The following PDE11A variants were observed in gnomAD, a reference collection of about 807,000 sequenced individuals.
PDE11A encodes dual 3',5'-cyclic-AMP and -GMP phosphodiesterase 11A.
A neutral mutation model predicts 100.5 loss-of-function variants in PDE11A; 100 were observed. The observed-to-expected ratio is 1.00, with a 90% confidence interval of 0.85 to 1.18. PDE11A has a LOEUF of 1.18. Among genes scored for constraint, PDE11A ranks in the 50% most tolerant of loss-of-function variants. The pLI is 0.00. For synonymous variants in PDE11A, 381 were observed against 420.8 expected (o/e 0.91, Z 1.16); for missense variants, 1,141 against 1,152.6 (o/e 0.99, Z 0.15).
chr2:177,695,462 G>A (rs924163877), intron 15 of PDE11A, among the ~76,000 whole-genome samples: 4 of 152,178 alleles, frequency 2.6e-5, no homozygotes, highest in Non-Finnish European at 5.9e-5. Context: ...AAATTTAAAT[G>A]TAACTGGACT....
chr2:178,024,174 G>C (rs1485305151), intron 1 of PDE11A, among the ~76,000 whole-genome samples: 3 of 152,174 alleles, frequency 2.0e-5, no homozygotes, highest in African/African-American at 7.2e-5. Flanking sequence ...CACTTTGGGA[G>C]GCTGAGGTGG....
intron 9 of PDE11A, among the ~76,000 whole-genome samples, chr2:177,781,994 G>A (rs1299909716): frequency 1.3e-5 from 2 of 152,168 alleles, no homozygotes; most frequent in African/African-American, 4.8e-5. Flanking sequence ...AGATTAAAAT[G>A]TTAATTTTAG....
At chr2:177,943,212 C>A (rs1459634906) in intron 2 of PDE11A, among the ~76,000 whole-genome samples, 1 of 152,194 alleles carries the variant, frequency 6.6e-6, no homozygotes, top group East Asian at 1.9e-4. Context: ...CAAGACCCTG[C>A]ATTTAATTCT....
intron 2 of PDE11A, among the ~76,000 whole-genome samples, chr2:178,086,775 A>T (rs1300589633): frequency 6.6e-6 from 1 of 152,146 alleles, no homozygotes; most frequent in Non-Finnish European, 1.5e-5. Flanking sequence ...TCTGGCCAGA[A>T]CCCCACATAA....
chr2:178,024,331 G>A (rs371851589), intron 1 of PDE11A, among the ~76,000 whole-genome samples: 121 of 152,240 alleles, frequency 7.9e-4, no homozygotes, highest in African/African-American at 2.7e-3. Flanking sequence ...AGAATTGCTT[G>A]GGCCCGGGAG....
chr2:177,667,474 C>T lies in PDE11A; in HGVS notation c.2562+2019G>A, dbSNP rs2080606706. On this transcript the variant is annotated intron_variant, in intron 18 of 19. Coordinates refer to ENST00000286063, the MANE Select transcript of PDE11A (RefSeq NM_016953.4). ...CTTCATTCTTTTGCCTGTGGATATG[C>T]AGTTGTCCTTGAACCATTGTTGAAA... Among the ~76,000 whole-genome samples the T allele has an allele frequency of 1.3e-5, 2 of 152,112 alleles. 1 individual carries two copies. The highest frequency in any genetic ancestry group is 4.1e-4 in the South Asian group (2 of 4,832).
chr2:178,031,990 C>G (rs552950579), intron 1 of PDE11A, among the ~76,000 whole-genome samples: 4 of 151,864 alleles, frequency 2.6e-5, no homozygotes, highest in Admixed American at 2.6e-4. Flanking sequence ...ATTAATAGAC[C>G]AACAGAATAA....
intron 2 of PDE11A, among the ~76,000 whole-genome samples, chr2:177,947,050 CG>C (rs1216668517): frequency 2.1e-5 from 2 of 93,832 alleles, no homozygotes; most frequent in African/African-American, 4.1e-5. Context: ...CCGCCCCGTC[CG>C]GGAGGTGAGG....
chr2:178,076,227 G>A (rs1240690628), upstream of PDE11A, among the ~76,000 whole-genome samples: 2 of 152,136 alleles, frequency 1.3e-5, no homozygotes, highest in Non-Finnish European at 2.9e-5. Flanking sequence ...TGTAAAGATT[G>A]TCCAAGTAGC....
At chr2:178,014,261 C>G (rs201157149) in intron 2 of PDE11A, 41 bp downstream of exon 2, 10 of 1,491,856 alleles carry the variant, frequency 6.7e-6, no homozygotes, top group Non-Finnish European at 4.7e-6. Context: ...AATCAATGAC[C>G]AAGAAGAAAA....
At chr2:178,020,175 T>C (rs951601582) in intron 1 of PDE11A, among the ~76,000 whole-genome samples, 7 of 152,232 alleles carry the variant, frequency 4.6e-5, no homozygotes, top group Admixed American at 3.3e-4. Flanking sequence ...TGTATTCTGA[T>C]GGTTGCATAT....
intron 2 of PDE11A, among the ~76,000 whole-genome samples, chr2:177,914,533 C>T (rs72948883): frequency 1.4e-4 from 21 of 152,274 alleles, no homozygotes; most frequent in Non-Finnish European, 2.8e-4. Context: ...TAACTCACAG[C>T]TTCTGCAAAA....
chr2:178,046,803 T>A (rs1486340403), intron 1 of PDE11A, among the ~76,000 whole-genome samples: 2 of 152,200 alleles, frequency 1.3e-5, no homozygotes, highest in Non-Finnish European at 2.9e-5. Flanking sequence ...CTGTTAGTGT[T>A]AATCACTAAT....
At chr2:177,651,191 C>T (rs765156155) in intron 19 of PDE11A, among the ~76,000 whole-genome samples, 2 of 152,172 alleles carry the variant, frequency 1.3e-5, no homozygotes, top group African/African-American at 2.4e-5. Context: ...GTTATGGACT[C>T]ACTACATCTT....
chr2:177,693,045 C>T (rs1452378964), intron 15 of PDE11A, among the ~76,000 whole-genome samples: 1 of 152,110 alleles, frequency 6.6e-6, no homozygotes, highest in Non-Finnish European at 1.5e-5. Context: ...TTGGTTTCTT[C>T]AACTGTATCA....
At chr2:177,846,959 T>G (rs2083611311) in intron 5 of PDE11A, among the ~76,000 whole-genome samples, 1 of 152,178 alleles carries the variant, frequency 6.6e-6, no homozygotes, top group Non-Finnish European at 1.5e-5. Context: ...GTTCCATGGT[T>G]TGTGGCCACA....
At chr2:178,108,284 C>T (rs2087645999) in exon 1 of PDE11A, 1 of 152,280 alleles carries the variant, frequency 6.6e-6, no homozygotes, top group Non-Finnish European at 1.5e-5. Flanking sequence ...GAGTCCACGC[C>T]TCAACTTCGA....
chr2:177,671,323 C>T (rs1418864819), intron 17 of PDE11A, among the ~76,000 whole-genome samples: 1 of 152,146 alleles, frequency 6.6e-6, no homozygotes, highest in Non-Finnish European at 1.5e-5. Flanking sequence ...AAAACCCAAT[C>T]AGGAACATTA....
intron 1 of PDE11A, among the ~76,000 whole-genome samples, chr2:178,026,055 A>G (rs1441532676): frequency 1.3e-5 from 2 of 152,176 alleles, no homozygotes. Flanking sequence ...AGGTCAGAAG[A>G]ACAGATCTAA....
Sources: allele counts gnomAD v4.1 joint callset (sites outside exome capture counted in the v4.1 genomes callset), GRCh38; gene constraint gnomAD v4.1.1; transcripts MANE v1.5; gene names NCBI Gene and HGNC (gene_info 2026-07-23, HGNC 2026-07-21).